Variants in SEL1L observed in about 807,000 individuals in gnomAD.
SEL1L encodes the protein protein sel-1 homolog 1.
Under a neutral mutation model 109.8 loss-of-function variants are expected in SEL1L, and 52 were observed. That is an observed-to-expected ratio of 0.47 (90% confidence interval 0.38 to 0.60). SEL1L has a LOEUF of 0.60. Among genes scored for constraint, SEL1L ranks in the 20% least tolerant of loss-of-function variants. The probability of loss-of-function intolerance (pLI) is 0.00; values close to 1 mark genes in which losing one functional copy is unlikely to be tolerated. For synonymous variants in SEL1L, 373 were observed against 339.6 expected, an observed-to-expected ratio of 1.10 and a Z score of -1.08; for missense variants, 749 against 962.2, an observed-to-expected ratio of 0.78 and a Z score of 2.93.
chr14:81,517,284 G>A (rs1022139024), intron 3 of SEL1L, among the ~76,000 whole-genome samples: 1 of 152,172 alleles, frequency 6.6e-6, no homozygotes, highest in Non-Finnish European at 1.5e-5. Context: ...GAGGGAAAAG[G>A]CAGTGTATTG....
At chr14:81,491,315 T>C (rs1037573261) in intron 12 of SEL1L, among the ~76,000 whole-genome samples, 1 of 152,170 alleles carries the variant, frequency 6.6e-6, no homozygotes, top group Non-Finnish European at 1.5e-5. Flanking sequence ...GTATGGAGAA[T>C]GATAAAGGGC....
Position 81,526,721 on chromosome 14 carries a change from T to C in SEL1L, c.340+12A>G, listed in dbSNP as rs754705809. The C allele has an allele frequency of 1.2e-5, 19 of 1,603,444 alleles. No individual in the cohort carries two copies. The highest frequency in any genetic ancestry group is 1.5e-5 in the Non-Finnish European group (17 of 1,171,030). On this transcript the variant is annotated intron_variant, in intron 3 of 20. Coordinates refer to ENST00000336735, the MANE Select transcript of SEL1L (RefSeq NM_005065.6). ...TAAATAAATCAAAAAGCAAGGAAAA[T>C]GTCCAGACTACCTGGTTTCCGTACT...
At chr14:81,528,315 A>G (rs1270056388) in intron 1 of SEL1L, among the ~76,000 whole-genome samples, 1 of 152,202 alleles carries the variant, frequency 6.6e-6, no homozygotes, top group Non-Finnish European at 1.5e-5. Context: ...GATGCAGGTA[A>G]AAAGCAGCAT....
rs1207729772 is a variant in SEL1L at position 81,479,664 on chromosome 14, G to A, written c.2123C>T (p.Ala708Val). 5 of 1,613,978 alleles carry A rather than the reference G, an allele frequency of 3.1e-6. No individual in the cohort carries two copies. The Admixed American group carries it at 6.7e-5, about 22-fold the overall frequency. ...ATAGACGACGCCCAATTTGCAGAGG[G>A]CTAGGAAGACTGGAACTTGTGCATC... ...SPDAQVPVFL[A>V]LCKLGVVYFL... Residue 708 changes from alanine (A) to valine (V), a missense_variant, in exon 20 of 21, where the codon GCC becomes GTC. By Grantham distance (64) the Ala-to-Val change is moderately conservative (BLOSUM62 0). Around this residue, in one of 2 missense-constraint regions of SEL1L, gnomAD observed 383 missense variants for 562.5 expected, o/e 0.68. Coordinates refer to ENST00000336735, the MANE Select transcript of SEL1L (RefSeq NM_005065.6).
intron 5 of SEL1L, among the ~76,000 whole-genome samples, chr14:81,503,641 T>G (rs1884110817): frequency 6.6e-6 from 1 of 152,206 alleles, no homozygotes; most frequent in Admixed American, 6.5e-5. Flanking sequence ...ACAGTAATTT[T>G]AAAAACTTCT....
chr14:81,501,198 A>G (rs1883992023), intron 6 of SEL1L, among the ~76,000 whole-genome samples: 1 of 152,238 alleles, frequency 6.6e-6, no homozygotes, highest in Non-Finnish European at 1.5e-5. Context: ...GAAAAGAGTG[A>G]TGCCAACAGG....
At chr14:81,492,933 T>C (rs1396204710) in intron 11 of SEL1L, among the ~76,000 whole-genome samples, 1 of 152,200 alleles carries the variant, frequency 6.6e-6, no homozygotes, top group African/African-American at 2.4e-5. Context: ...AAGGAAAAAC[T>C]AGAAGTCTTT....
At chr14:81,487,601 G>A (rs1019234031) in intron 15 of SEL1L, 63 bp from the exon 16 acceptor site, 2 of 1,555,160 alleles carry the variant, frequency 1.3e-6, no homozygotes, top group Non-Finnish European at 1.7e-6. Context: ...TATCAGAGAA[G>A]GCTTATATAT....
At position 81,480,198 on chromosome 14, in the gene SEL1L, A is replaced by AT. The variant is rs893711507; in HGVS notation, c.2047-459dup. Among the ~76,000 whole-genome samples, 88 of 148,724 alleles carry AT rather than the reference A, an allele frequency of 5.9e-4. No homozygotes were observed. The East Asian group carries it at 9.3e-3, about 16-fold the overall frequency. ...CAGGCACGGTGGCTCATTCTTTTTT[A>AT]TTTTTTTTTTGAGACAGAGTCTTGC... is the stretch of plus-strand genomic sequence containing the variant. On this transcript the variant is annotated intron_variant, in intron 19 of 20. Coordinates refer to ENST00000336735, the MANE Select transcript of SEL1L (RefSeq NM_005065.6).
At position 81,504,902 on chromosome 14, in the gene SEL1L, TAAGTTTCCTGAGGCCTCCC is replaced by T. The variant is rs530723096; in HGVS notation, c.509-615_509-597del. ...TATGAGACGGCTGCATCTCATATGG[TAAGTTTCCTGAGGCCTCCC>T]AAGAAGCCAAGCAGATGCCAGCATC... is the stretch of plus-strand genomic sequence containing the variant. On this transcript the variant is annotated intron_variant, in intron 4 of 20. Coordinates refer to ENST00000336735, the MANE Select transcript of SEL1L (RefSeq NM_005065.6). Among the ~76,000 whole-genome samples, 328 of 152,242 alleles carry T rather than the reference TAAGTTTCCTGAGGCCTCCC, an allele frequency of 2.2e-3. 2 individuals carry two copies. The Middle Eastern group carries it at 0.037, about 17-fold the overall frequency.
intron 3 of SEL1L, among the ~76,000 whole-genome samples, chr14:81,526,386 T>C (rs535953217): frequency 9.2e-5 from 14 of 152,300 alleles, no homozygotes; most frequent in Non-Finnish European, 1.9e-4. Context: ...TGTTAGACAG[T>C]TCTTCCTGAG....
intron 14 of SEL1L, chr14:81,488,705 A>T (rs1883423012): frequency 6.5e-6 from 1 of 152,836 alleles, no homozygotes; most frequent in African/African-American, 2.4e-5. Flanking sequence ...GAACCAAAAA[A>T]TGTCAATTGG....
At chr14:81,516,412 GC>G (rs1884703599) in intron 3 of SEL1L, among the ~76,000 whole-genome samples, 1 of 152,146 alleles carries the variant, frequency 6.6e-6, no homozygotes, top group Non-Finnish European at 1.5e-5. Context: ...CTTTTCACAT[GC>G]CTTTGTTATG....
chr14:81,506,370 A>C (rs1259348175), intron 3 of SEL1L, 129 bp from the exon 4 acceptor site: 11 of 769,220 alleles, frequency 1.4e-5, no homozygotes, highest in Non-Finnish European at 2.0e-5. Context: ...AACTGGGAAC[A>C]TAAAAGGGCT....
At chr14:81,514,946 G>A (rs935730395) in intron 3 of SEL1L, among the ~76,000 whole-genome samples, 2 of 152,154 alleles carry the variant, frequency 1.3e-5, no homozygotes, top group African/African-American at 4.8e-5. Context: ...GAAGGCAAAT[G>A]GAGTGAAATA....
In SEL1L at chr14:81,496,665, G is replaced by A. The variant is rs567600005; in HGVS notation, c.1128+1227C>T. Among the ~76,000 whole-genome samples the A allele has an allele frequency of 1.8e-3, 276 of 152,260 alleles. 1 individual carries two copies. Among genetic ancestry groups the A allele is most frequent in the African/African-American group, 6.1e-3 (253 of 41,538 alleles). The stretch of plus-strand genomic sequence containing the variant: ...TAAGGCACAAGAATCGCTTGAACCC[G>A]GGAAGCGGAGGTTGCAGCGAGCTGA... On this transcript the variant is annotated intron_variant, in intron 10 of 20. Transcript: ENST00000336735.
chr14:81,490,346 G>T, intron 13 of SEL1L, 42 bp downstream of exon 13: 1 of 1,395,088 alleles, frequency 7.2e-7, no homozygotes, highest in Non-Finnish European at 1.0e-6. Context: ...TAAAATATTA[G>T]TAATATGGTA....
At chr14:81,525,984 C>G (rs78315571) in intron 3 of SEL1L, among the ~76,000 whole-genome samples, 5,610 of 151,966 alleles carry the variant, frequency 0.037, 330 homozygotes, top group African/African-American at 0.12. Flanking sequence ...AAATAGTTTT[C>G]TATTCATGAG....
intron 3 of SEL1L, among the ~76,000 whole-genome samples, chr14:81,510,514 C>CTCTCTCTCTCTATATATATATA (rs35474067): frequency 1.2e-4 from 12 of 104,076 alleles, no homozygotes; most frequent in African/African-American, 2.7e-4. Flanking sequence ...CTCTCTCTCT[C>CTCTCTCTCTCTATATATATATA]TATATATATA....
Sources: gnomAD v4.1 joint callset for allele counts (sites outside exome capture counted in the v4.1 genomes callset) on GRCh38, gnomAD v4.1.1 for gene constraint, gnomAD v4.1.1 regional missense constraint, MANE v1.5 for transcripts, NCBI Gene and HGNC (gene_info 2026-07-23, HGNC 2026-07-21) for gene names.